The following MED12L variants were observed in gnomAD, a reference collection of about 807,000 sequenced individuals.
MED12L encodes the protein mediator complex subunit 12L.
MED12L carries 60 observed loss-of-function variants against 281.3 expected under a neutral mutation model. That is an observed-to-expected ratio of 0.21 (90% CI 0.17 to 0.26). MED12L has a LOEUF of 0.26. Among genes scored for constraint, MED12L ranks in the 10% least tolerant of loss-of-function variants. MED12L has a pLI of 1.00. For synonymous variants in MED12L, 974 were observed against 987.2 expected, an observed-to-expected ratio of 0.99 and a Z score of 0.25; for missense variants, 2,146 against 2,680.9, an observed-to-expected ratio of 0.80 and a Z score of 4.41.
At chr3:151,412,240 A>T (rs906449542) in intron 41 of MED12L, among the ~76,000 whole-genome samples, 2 of 152,222 alleles carry the variant, frequency 1.3e-5, no homozygotes, top group Admixed American at 6.5e-5. Flanking sequence ...GCCTGTGTTT[A>T]AAAAGGCTTC....
At chr3:151,292,288 C>CTTTTTTTTTTTTTTTTTTTTT (rs35742538) in intron 16 of MED12L, among the ~76,000 whole-genome samples, 1 of 139,890 alleles carries the variant, frequency 7.1e-6, no homozygotes, top group African/African-American at 2.7e-5. Flanking sequence ...AATATTGCTC[C>CTTTTTTTTTTTTTTTTTTTTT]TTTTTTTTTT....
At chr3:151,146,391 T>C (rs978813738) in intron 5 of MED12L, among the ~76,000 whole-genome samples, 6 of 152,186 alleles carry the variant, frequency 3.9e-5, no homozygotes, top group Non-Finnish European at 2.9e-5. Context: ...CTTTCCTGGG[T>C]CTCAGGGTAC....
intron 5 of MED12L, among the ~76,000 whole-genome samples, chr3:151,135,164 T>A (rs796810348): frequency 3.3e-5 from 5 of 152,272 alleles, no homozygotes; most frequent in African/African-American, 9.6e-5. Context: ...TAGCTGGGAT[T>A]ACAGGCACCT....
chr3:151,132,465 C>T (rs1339863559), intron 5 of MED12L, among the ~76,000 whole-genome samples: 1 of 152,104 alleles, frequency 6.6e-6, no homozygotes, highest in African/African-American at 2.4e-5. Flanking sequence ...TTCCTTTCTC[C>T]AGTTTCTCAT....
In MED12L at chr3:151,305,995, C is replaced by T. The variant is rs924749162; in HGVS notation, c.2251-44064C>T. Among the ~76,000 whole-genome samples the T allele has an allele frequency of 3.3e-5, 5 of 152,140 alleles. 1 individual carries two copies. The highest frequency in any genetic ancestry group is 4.1e-4 in the South Asian group (2 of 4,830). ...ATGGGGAAGTGAGCTCTCTCCAGTT[C>T]TCTGGCTCACAGCATACGCGTTGAC... On this transcript the variant is annotated intron_variant, in intron 16 of 44. Transcript: ENST00000687756.
chr3:151,412,371 G>C (rs1026416867), intron 41 of MED12L, among the ~76,000 whole-genome samples: 1 of 152,214 alleles, frequency 6.6e-6, no homozygotes, highest in African/African-American at 2.4e-5. Context: ...CTTGTGGCTA[G>C]TAGTTATCTT....
intron 23 of MED12L, among the ~76,000 whole-genome samples, chr3:151,366,340 A>C (rs1181064890): frequency 6.6e-6 from 1 of 152,172 alleles, no homozygotes; most frequent in African/African-American, 2.4e-5. Context: ...ATGGGACATA[A>C]TCTAACTAAA....
intron 13 of MED12L, among the ~76,000 whole-genome samples, chr3:151,188,965 G>A (rs1160619602): frequency 1.3e-5 from 2 of 152,184 alleles, no homozygotes; most frequent in South Asian, 2.1e-4. Context: ...TGCCTTTTTA[G>A]TGAGGAGTTG....
chr3:151,196,383 A>G (rs1311376834), intron 16 of MED12L, among the ~76,000 whole-genome samples: 1 of 152,196 alleles, frequency 6.6e-6, no homozygotes, highest in African/African-American at 2.4e-5. Flanking sequence ...CCTTAATAAA[A>G]AGAGAAAATC....
intron 16 of MED12L, among the ~76,000 whole-genome samples, chr3:151,225,201 C>T (rs903466485): frequency 6.6e-6 from 1 of 152,184 alleles, no homozygotes; most frequent in African/African-American, 2.4e-5. Flanking sequence ...CCCTCGACTT[C>T]ACAGAAGTTG....
At chr3:151,397,216 C>A (rs1392648726) in intron 39 of MED12L, among the ~76,000 whole-genome samples, 5 of 152,208 alleles carry the variant, frequency 3.3e-5, no homozygotes, top group Non-Finnish European at 7.3e-5. Context: ...CAGTATTCAC[C>A]TCTTCATCTC....
At chr3:151,365,720 G>A in intron 22 of MED12L, 130 bp from the exon 23 acceptor site, 1 of 802,794 alleles carries the variant, frequency 1.2e-6, no homozygotes, top group Non-Finnish European at 1.9e-6. Flanking sequence ...TGACAAATGA[G>A]TATTTTATCT....
At chr3:151,340,827 T>C (rs568696721) in intron 16 of MED12L, 5 of 152,562 alleles carry the variant, frequency 3.3e-5, no homozygotes, top group Non-Finnish European at 7.4e-5. Context: ...AACACTGGAC[T>C]CAAAGCTATG....
Position 151,378,928 on chromosome 3 carries a change from T to C in MED12L, c.4478+755T>C, listed in dbSNP as rs578140577. On this transcript the variant is annotated intron_variant, in intron 31 of 44. Coordinates refer to ENST00000687756, the MANE Select transcript of MED12L (RefSeq NM_001393769.1). ...TGTACATGAGCTTTTAAAATTCTTA[T>C]AGCAATCATGTGGTAGGTACTCTCA... is the stretch of plus-strand genomic sequence containing the variant. Among the ~76,000 whole-genome samples the C allele has an allele frequency of 2.6e-5, 4 of 152,348 alleles. No individual in the cohort carries two copies. The South Asian group carries it at 6.2e-4, about 24-fold the overall frequency.
chr3:151,215,050 T>C (rs1027627083), intron 16 of MED12L, among the ~76,000 whole-genome samples: 1 of 152,102 alleles, frequency 6.6e-6, no homozygotes, highest in Non-Finnish European at 1.5e-5. Flanking sequence ...CTAACAAACA[T>C]ATACATTCAA....
At chr3:151,327,742 A>AG (rs1577340427) in intron 16 of MED12L, 1 of 323,218 alleles carries the variant, frequency 3.1e-6, no homozygotes, top group South Asian at 1.3e-4. Context: ...ATTAAAAAAA[A>AG]AAAAAAAGAA....
chr3:151,304,235 G>A (rs182664237), intron 16 of MED12L, among the ~76,000 whole-genome samples: 29 of 152,264 alleles, frequency 1.9e-4, no homozygotes, highest in Non-Finnish European at 3.5e-4. Context: ...GATAGATAAA[G>A]GATTAATGGA....
At chr3:151,178,157 C>CA (rs10572929) in intron 11 of MED12L, among the ~76,000 whole-genome samples, 2,460 of 49,060 alleles carry the variant, frequency 0.05, 309 homozygotes, top group African/African-American at 0.11. Flanking sequence ...GACTTGGTCT[C>CA]AAAAAAAAAA....
chr3:151,114,295 T>C (rs1298194303), intron 2 of MED12L, among the ~76,000 whole-genome samples: 1 of 152,180 alleles, frequency 6.6e-6, no homozygotes, highest in Non-Finnish European at 1.5e-5. Flanking sequence ...TTGATTACCA[T>C]AGAGTGAAAT....
Sources: gnomAD v4.1 joint callset for allele counts (sites outside exome capture counted in the v4.1 genomes callset) on GRCh38, gnomAD v4.1.1 for gene constraint, MANE v1.5 for transcripts, NCBI Gene and HGNC (gene_info 2026-07-23, HGNC 2026-07-21) for gene names.